Variants in FSTL5 observed in about 807,000 individuals in gnomAD.
The protein encoded by FSTL5 is follistatin like 5, also known as follistatin-related protein 5.
In FSTL5, 62 loss-of-function variants were observed where a neutral mutation model predicts 89.1. The ratio of observed to expected loss-of-function variants is 0.70; its 90% CI spans 0.57 to 0.86. FSTL5 has a LOEUF of 0.86. Among genes scored for constraint, FSTL5 ranks in the 40% least tolerant of loss-of-function variants. The pLI, the probability that FSTL5 is intolerant of heterozygous loss-of-function variation, is 0.00. For missense variants in FSTL5, 1,057 were observed against 1,001.6 expected (o/e 1.06, Z -0.75); for synonymous variants, 383 against 346.2 (o/e 1.11, Z -1.18).
At chr4:161,974,313 A>C (rs1396608183) in intron 3 of FSTL5, among the ~76,000 whole-genome samples, 1 of 151,988 alleles carries the variant, frequency 6.6e-6, no homozygotes, top group Non-Finnish European at 1.5e-5. Context: ...AAGCCAAAAG[A>C]ACAAAGCTGG....
chr4:161,725,882 G>A (rs1485752149), intron 6 of FSTL5, among the ~76,000 whole-genome samples: 4 of 152,094 alleles, frequency 2.6e-5, no homozygotes, highest in African/African-American at 9.7e-5. Context: ...TACTTTTAAC[G>A]ACAAAAGGTT....
chr4:161,829,895 C>A (rs1187608129), intron 4 of FSTL5, among the ~76,000 whole-genome samples: 1 of 152,018 alleles, frequency 6.6e-6, no homozygotes, highest in Non-Finnish European at 1.5e-5. Flanking sequence ...GGAACAAACA[C>A]ATTTTGCAAT....
intron 7 of FSTL5, among the ~76,000 whole-genome samples, chr4:161,641,863 T>A (rs537962860): frequency 2.8e-4 from 43 of 152,176 alleles, no homozygotes; most frequent in African/African-American, 1.0e-3. Context: ...GTACTGATTA[T>A]ATATATAAGA....
intron 6 of FSTL5, among the ~76,000 whole-genome samples, chr4:161,730,618 T>C (rs912728019): frequency 6.6e-6 from 1 of 152,202 alleles, no homozygotes; most frequent in Non-Finnish European, 1.5e-5. Flanking sequence ...TTATAATCTA[T>C]GTTCAACTGT....
chr4:161,997,665 C>T (rs899399315), intron 3 of FSTL5, among the ~76,000 whole-genome samples: 1 of 138,824 alleles, frequency 7.2e-6, no homozygotes, highest in African/African-American at 2.7e-5. Flanking sequence ...AGTGCAGTGG[C>T]ACGATCTCTG....
At chr4:161,626,435 C>G (rs1043035697) in intron 7 of FSTL5, among the ~76,000 whole-genome samples, 3 of 152,006 alleles carry the variant, frequency 2.0e-5, no homozygotes, top group African/African-American at 7.2e-5. Context: ...TAAAGCATGG[C>G]TTACTGAATA....
chr4:162,054,012 G>A (rs1310626991), intron 2 of FSTL5, among the ~76,000 whole-genome samples: 1 of 151,546 alleles, frequency 6.6e-6, no homozygotes, highest in East Asian at 1.9e-4. Context: ...AAATATTATG[G>A]ATCAATTTAC....
chr4:161,862,033 C>CTGAATTAAT (rs1731933280), intron 4 of FSTL5, among the ~76,000 whole-genome samples: 1 of 152,140 alleles, frequency 6.6e-6, no homozygotes, highest in Admixed American at 6.5e-5. Context: ...CAAATTAACC[C>CTGAATTAAT]TCAATGGGAA....
chr4:162,065,749 A>G (rs535634177), intron 2 of FSTL5, among the ~76,000 whole-genome samples: 3 of 152,196 alleles, frequency 2.0e-5, no homozygotes, highest in African/African-American at 4.8e-5. Flanking sequence ...TCTAAAAGAA[A>G]TATCTTCAAC....
intron 3 of FSTL5, among the ~76,000 whole-genome samples, chr4:161,923,125 C>T (rs533935796): frequency 6.6e-6 from 1 of 151,870 alleles, no homozygotes; most frequent in Non-Finnish European, 1.5e-5. Context: ...GCCCAAATAA[C>T]ATAGATGCCT....
intron 3 of FSTL5, among the ~76,000 whole-genome samples, chr4:162,012,217 T>C (rs558444561): frequency 2.0e-5 from 3 of 152,156 alleles, no homozygotes; most frequent in Admixed American, 6.5e-5. Context: ...CAGACAGAGA[T>C]GAGACATAAA....
chr4:161,476,746 GA>G (rs1734164872), intron 13 of FSTL5, among the ~76,000 whole-genome samples: 1 of 152,170 alleles, frequency 6.6e-6, no homozygotes, highest in African/African-American at 2.4e-5. Flanking sequence ...TAGGCCTTTA[GA>G]TGTCCTAGAA....
In FSTL5 at chr4:161,619,291, A is replaced by G. The variant is rs201635545; in HGVS notation, c.895-31716T>C. Among the ~76,000 whole-genome samples, 1,192 of 152,292 alleles carry G rather than the reference A, an allele frequency of 7.8e-3. 32 individuals are homozygous for G. The highest frequency in any genetic ancestry group is 0.061 in the East Asian group (314 of 5,166). On this transcript the variant is annotated intron_variant, in intron 7 of 15. Transcript: ENST00000306100. ...GGACATAGGCATGGGCAAGGACTTC[A>G]TGTCCAAAACACCAAAAGCAATGGC...
At chr4:161,663,395 A>T (rs1310180602) in intron 6 of FSTL5, among the ~76,000 whole-genome samples, 1 of 152,172 alleles carries the variant, frequency 6.6e-6, no homozygotes, top group Non-Finnish European at 1.5e-5. Flanking sequence ...AAATGGAGCC[A>T]TTCCAAAAGG....
chr4:161,874,034 T>C (rs749581986), intron 4 of FSTL5, among the ~76,000 whole-genome samples: 1 of 152,066 alleles, frequency 6.6e-6, no homozygotes, highest in African/African-American at 2.4e-5. Context: ...ATATGGAAGG[T>C]ATTATTCTCT....
At position 161,784,895 on chromosome 4, in the gene FSTL5, A is replaced by AAAAAAAACAAAAAAC. The variant is rs1553965825; in HGVS notation, c.410-8822_410-8821insGTTTTTTGTTTTTTT. On this transcript the variant is annotated intron_variant, in intron 4 of 15. Transcript: ENST00000306100. ...GCGACAGAGCAAGACTCCGTCTCAA[A>AAAAAAAACAAAAAAC]AAAAACAAAAACAAACAAACAAAAA... 7.7e-5 allele frequency among the ~76,000 whole-genome samples: 11 copies of AAAAAAAACAAAAAAC among 141,964 alleles called. 2 individuals are homozygous for AAAAAAAACAAAAAAC. The highest frequency in any genetic ancestry group is 2.4e-4 in the African/African-American group (9 of 37,664). The allele number at this position is 141,964 out of a possible 152,430, so 93.1% of individuals were successfully genotyped here.
At chr4:161,502,986 C>T (rs1042932271) in intron 11 of FSTL5, among the ~76,000 whole-genome samples, 2 of 151,334 alleles carry the variant, frequency 1.3e-5, no homozygotes, top group East Asian at 3.8e-4. Context: ...TATTTTTTGA[C>T]AAGTGTAGGG....
At chr4:161,657,140 A>G (rs187444552) in intron 6 of FSTL5, among the ~76,000 whole-genome samples, 216 of 152,320 alleles carry the variant, frequency 1.4e-3, no homozygotes, top group African/African-American at 4.8e-3. Context: ...GCCAAAGTAC[A>G]CATTTCTGTC....
intron 15 of FSTL5, among the ~76,000 whole-genome samples, 163 bp downstream of exon 15, chr4:161,454,841 T>C (rs1212589399): frequency 6.6e-6 from 1 of 152,250 alleles, no homozygotes. Context: ...TCATCACTAG[T>C]GTTGATAAAC....
Sources: allele counts gnomAD v4.1 joint callset (sites outside exome capture counted in the v4.1 genomes callset), GRCh38; gene constraint gnomAD v4.1.1; transcripts MANE v1.5; gene names NCBI Gene and HGNC (gene_info 2026-07-23, HGNC 2026-07-21).